Variants in CTNND2 observed in about 807,000 individuals in gnomAD.
The protein encoded by CTNND2 is catenin delta-2.
A neutral mutation model predicts 144.4 loss-of-function variants in CTNND2; 22 were observed. The ratio of observed to expected loss-of-function variants is 0.15; its 90% confidence interval spans 0.11 to 0.22. CTNND2 has a LOEUF of 0.22. CTNND2 is among the 10% of genes least tolerant of loss of function. The pLI is 1.00. For synonymous variants in CTNND2, 751 were observed against 695.6 expected (o/e 1.08, Z -1.25); for missense variants, 1,353 against 1,618.8 (o/e 0.84, Z 2.82).
chr5:11,398,256 A>G (rs1383375236), intron 5 of CTNND2, among the ~76,000 whole-genome samples: 1 of 152,200 alleles, frequency 6.6e-6, no homozygotes, highest in African/African-American at 2.4e-5. Flanking sequence ...TTAGACAATA[A>G]TATCACTTCT....
intron 9 of CTNND2, among the ~76,000 whole-genome samples, chr5:11,323,456 G>A (rs150882265): frequency 1.7e-3 from 264 of 152,254 alleles, no homozygotes; most frequent in African/African-American, 6.0e-3. Context: ...ACACAGTGAG[G>A]AGCAGGCAAC....
intron 1 of CTNND2, among the ~76,000 whole-genome samples, chr5:11,796,311 C>A (rs1012165430): frequency 6.6e-6 from 1 of 152,194 alleles, no homozygotes; most frequent in Non-Finnish European, 1.5e-5. Context: ...ACGAACTACA[C>A]TGATGCAGCA....
At chr5:11,073,418 C>G (rs114935404) in intron 16 of CTNND2, among the ~76,000 whole-genome samples, 1 of 152,196 alleles carries the variant, frequency 6.6e-6, no homozygotes, top group Non-Finnish European at 1.5e-5. Context: ...GTCGGCTCTC[C>G]GTCTCTTGCT....
In CTNND2 at chr5:11,295,581, T is replaced by A. The variant is rs1334310608; in HGVS notation, c.1628+50791A>T. Among the ~76,000 whole-genome samples, 5 of 152,142 alleles carry A rather than the reference T, an allele frequency of 3.3e-5. No individual in the cohort carries two copies. In the East Asian group the frequency reaches 9.6e-4, roughly 29 times the overall value. ...GGCATCACGCTACCTGACTTCAAAA[T>A]ATACTACAAGGCTACAGTAACCAAA... On this transcript the variant is annotated intron_variant, in intron 9 of 21. Transcript: ENST00000304623.
intron 1 of CTNND2, among the ~76,000 whole-genome samples, chr5:11,852,399 T>G (rs937259522): frequency 4.6e-5 from 7 of 152,072 alleles, no homozygotes; most frequent in African/African-American, 1.7e-4. Context: ...TGACCCTAAG[T>G]GATGGTCTAA....
chr5:11,864,994 A>C (rs994508949), intron 1 of CTNND2, among the ~76,000 whole-genome samples: 1 of 148,212 alleles, frequency 6.7e-6, no homozygotes, highest in African/African-American at 2.5e-5. Flanking sequence ...TCCCGGGTTC[A>C]GGCAATCCTC....
chr5:11,643,372 C>T (rs1409911500), intron 2 of CTNND2, among the ~76,000 whole-genome samples: 3 of 140,004 alleles, frequency 2.1e-5, no homozygotes, highest in Non-Finnish European at 3.0e-5. Context: ...TCTCCTAATG[C>T]TATCCCTCCC....
intron 18 of CTNND2, among the ~76,000 whole-genome samples, chr5:11,003,398 G>A (rs1406971413): frequency 2.0e-5 from 3 of 152,250 alleles, no homozygotes; most frequent in East Asian, 1.9e-4. Context: ...TAATGCTCAC[G>A]TATCAGAAGC....
chr5:10,998,304 CTGCA>C (rs1010255843), intron 18 of CTNND2, among the ~76,000 whole-genome samples: 1 of 152,112 alleles, frequency 6.6e-6, no homozygotes, highest in African/African-American at 2.4e-5. Flanking sequence ...TGGCCAGGGA[CTGCA>C]TGCCTGTGGG....
At chr5:11,309,202 C>T (rs1370712564) in intron 9 of CTNND2, among the ~76,000 whole-genome samples, 1 of 152,188 alleles carries the variant, frequency 6.6e-6, no homozygotes, top group Non-Finnish European at 1.5e-5. Context: ...GGGCCACTGT[C>T]CTCCAGACCC....
At chr5:11,628,566 T>A (rs1781267702) in intron 2 of CTNND2, among the ~76,000 whole-genome samples, 1 of 152,186 alleles carries the variant, frequency 6.6e-6, no homozygotes, top group Admixed American at 6.5e-5. Context: ...TAATCACTGC[T>A]TCCAACCTCA....
intron 2 of CTNND2, among the ~76,000 whole-genome samples, chr5:11,566,840 G>A (rs1377208898): frequency 6.6e-6 from 1 of 152,186 alleles, no homozygotes; most frequent in Non-Finnish European, 1.5e-5. Flanking sequence ...TTTCTCGTTT[G>A]CAAGCTTCCT....
intron 9 of CTNND2, among the ~76,000 whole-genome samples, chr5:11,292,918 T>A (rs915965777): frequency 6.6e-6 from 1 of 152,148 alleles, no homozygotes; most frequent in African/African-American, 2.4e-5. Context: ...ACTTCCAGCA[T>A]CCAGAGCTGT....
chr5:11,397,798 G>A (rs147993341), intron 5 of CTNND2, among the ~76,000 whole-genome samples: 6 of 152,346 alleles, frequency 3.9e-5, no homozygotes, highest in African/African-American at 1.4e-4. Flanking sequence ...GCAGTGCACA[G>A]TAGGAGAACA....
intron 1 of CTNND2, among the ~76,000 whole-genome samples, chr5:11,829,481 G>A (rs1367666785): frequency 1.3e-5 from 2 of 152,166 alleles, no homozygotes; most frequent in Admixed American, 6.5e-5. Flanking sequence ...TGGCTGAAAG[G>A]AGCCAACGTA....
intron 1 of CTNND2, among the ~76,000 whole-genome samples, chr5:11,853,308 G>T (rs952401696): frequency 2.0e-4 from 30 of 152,020 alleles, no homozygotes; most frequent in Non-Finnish European, 5.9e-5. Flanking sequence ...TTTGTGTTTG[G>T]CTTCATGAAC....
chr5:11,686,951 G>A (rs964434247), intron 2 of CTNND2, among the ~76,000 whole-genome samples: 1 of 151,192 alleles, frequency 6.6e-6, no homozygotes, highest in African/African-American at 2.4e-5. Flanking sequence ...AAGAAGGTAA[G>A]AAAATGGTAT....
At chr5:11,126,309 AAG>A (rs1754671006) in intron 12 of CTNND2, among the ~76,000 whole-genome samples, 1 of 152,222 alleles carries the variant, frequency 6.6e-6, no homozygotes. Context: ...CTCAAAAAAA[AAG>A]AAAATAGATC....
At chr5:11,426,540 C>A (rs1254420469) in intron 3 of CTNND2, among the ~76,000 whole-genome samples, 2 of 152,236 alleles carry the variant, frequency 1.3e-5, no homozygotes, top group African/African-American at 4.8e-5. Context: ...CCACATTCCT[C>A]TGTTCCTTGC....
Sources: allele counts gnomAD v4.1 joint callset (sites outside exome capture counted in the v4.1 genomes callset), GRCh38; gene constraint gnomAD v4.1.1; transcripts MANE v1.5; gene names NCBI Gene and HGNC (gene_info 2026-07-23, HGNC 2026-07-21).